Variants in SULT2B1 observed in about 807,000 individuals in gnomAD.
The protein encoded by SULT2B1 is sulfotransferase family 2B member 1.
In SULT2B1, 16 loss-of-function variants were observed where a neutral mutation model predicts 33.2. That is an observed-to-expected ratio of 0.48 (90% CI 0.33 to 0.73). The LOEUF (loss-of-function observed/expected upper bound fraction) is 0.73, where lower values mean the gene tolerates loss of function less well. Ranked by LOEUF, SULT2B1 falls within the 30% of genes least tolerant of loss-of-function variation. The pLI is 0.02. For synonymous variants in SULT2B1, 186 were observed against 200.5 expected, an observed-to-expected ratio of 0.93 and a Z score of 0.61; for missense variants, 500 against 506.0, an observed-to-expected ratio of 0.99 and a Z score of 0.11.
Position 48,599,047 on chromosome 19 carries a change from G to A in SULT2B1, c.827-88G>A. The A allele has an allele frequency of 6.7e-7, 1 of 1,503,356 alleles. No individual in the cohort carries two copies. The highest frequency in any genetic ancestry group is 2.2e-5 in the Admixed American group (1 of 45,932). The allele number at this position is 1,503,356 out of a possible 1,614,324, so 93.1% of individuals were successfully genotyped here. On this transcript the variant is annotated intron_variant, in intron 6 of 6. Coordinates refer to ENST00000201586, the MANE Select transcript of SULT2B1 (RefSeq NM_177973.2). This position sits in a 1 kb window ranked among gnomAD's most constrained non-coding sequence, Gnocchi z 4.1. ...AAGGGAACACCTCGCCAAAGGCCGGGAAGGGGAAGGAGGTTGCTGGAATGT... is the reference window on the plus strand; with the variant it reads ...AAGGGAACACCTCGCCAAAGGCCGGAAAGGGGAAGGAGGTTGCTGGAATGT...
At chr19:48,555,262 T>C (rs937506166) in intron 1 of SULT2B1, among the ~76,000 whole-genome samples, 1 of 151,912 alleles carries the variant, frequency 6.6e-6, no homozygotes, top group African/African-American at 2.4e-5. Flanking sequence ...TGGCTAATTT[T>C]TATATTTTTA....
intron 2 of SULT2B1, among the ~76,000 whole-genome samples, chr19:48,583,689 G>A (rs112635740): frequency 0.024 from 3,582 of 152,206 alleles, 41 homozygotes; most frequent in African/African-American, 0.034. Flanking sequence ...CTGGTGGTGC[G>A]CGCCTGTAGT....
chr19:48,575,948 T>C lies in SULT2B1; in HGVS notation c.79T>C (p.Leu27=), dbSNP rs1448712836. The part of the protein sequence containing the change: ...EDDISEISQK[L]PGEYFRYKGV... ...TCCCCCACCTTTCCACAGCCAGAAG[T>C]TGCCAGGTGAATACTTCCGGTACAA... is the stretch of plus-strand genomic sequence containing the variant. Residue 27 remains leucine, a synonymous_variant, in exon 2 of 7, where the codon TTG becomes CTG. Coordinates refer to ENST00000201586, the MANE Select transcript of SULT2B1 (RefSeq NM_177973.2). 1.9e-6 allele frequency: 3 copies of C among 1,612,126 alleles called. No individual in the cohort carries two copies. Among genetic ancestry groups the C allele is most frequent in the Middle Eastern group, 1.6e-4 (1 of 6,074 alleles).
At chr19:48,562,381 T>C (rs556069852) in intron 1 of SULT2B1, among the ~76,000 whole-genome samples, 25 of 149,920 alleles carry the variant, frequency 1.7e-4, no homozygotes, top group African/African-American at 4.4e-4. Flanking sequence ...AGCGAAACTC[T>C]GTCTCAAAAA....
chr19:48,577,458 T>A lies in SULT2B1; in HGVS notation c.214+1375T>A, dbSNP rs369476983. ...TCGGCTCACTGCAATCTCTGCCTCC[T>A]GGGTTCAAGCGATTCTCCTGCCTCA... On this transcript the variant is annotated intron_variant, in intron 2 of 6. Transcript: ENST00000201586. Among the ~76,000 whole-genome samples the A allele has an allele frequency of 1.7e-4, 25 of 143,754 alleles. No individual in the cohort carries two copies. The South Asian group carries it at 5.8e-3, about 34-fold the overall frequency. The allele number at this position is 143,754 out of a possible 152,430, so 94.3% of individuals were successfully genotyped here. A position where few individuals can be genotyped will look rare whatever the true frequency, so the allele number is the denominator to read the frequency against.
chr19:48,578,701 A>G (rs1973445708), intron 2 of SULT2B1, among the ~76,000 whole-genome samples: 1 of 151,594 alleles, frequency 6.6e-6, no homozygotes, highest in African/African-American at 2.4e-5. Context: ...ACATGGTGAA[A>G]CCCCGTGTCT....
rs3745726 is a variant in SULT2B1 at position 48,591,599 on chromosome 19, C to T, written c.424-10C>T. 71,613 of 1,608,084 alleles carry T rather than the reference C, an allele frequency of 0.045. 3,152 individuals carry two copies. Among genetic ancestry groups the T allele is most frequent in the East Asian group, 0.25 (10,957 of 44,678 alleles). The stretch of plus-strand genomic sequence containing the variant: ...ACGCCTTCTCCCCTCTCCTCACCAT[C>T]CGCACACAGGTGATCTACATGGGCC... On this transcript the variant is annotated splice_polypyrimidine_tract_variant and intron_variant, in intron 3 of 6. Transcript: ENST00000201586.
At chr19:48,579,306 G>A (rs1014320495) in intron 2 of SULT2B1, among the ~76,000 whole-genome samples, 3 of 145,162 alleles carry the variant, frequency 2.1e-5, no homozygotes, top group Non-Finnish European at 3.0e-5. Context: ...TTTTTGAGAC[G>A]GAGTCTCGCT....
chr19:48,564,883 C>A (rs1362350641), intron 1 of SULT2B1, among the ~76,000 whole-genome samples: 3 of 151,920 alleles, frequency 2.0e-5, no homozygotes, highest in East Asian at 1.9e-4. Flanking sequence ...CTCTGCCCCC[C>A]AGGTTCAAGC....
At chr19:48,593,792 G>A (rs916807351) in intron 5 of SULT2B1, among the ~76,000 whole-genome samples, 8 of 149,094 alleles carry the variant, frequency 5.4e-5, no homozygotes, top group East Asian at 2.2e-4. Flanking sequence ...GCGCCACCAC[G>A]CCCGGCTAAT....
At chr19:48,574,676 C>G (rs945672223) in intron 1 of SULT2B1, among the ~76,000 whole-genome samples, 1 of 152,302 alleles carries the variant, frequency 6.6e-6, no homozygotes, top group East Asian at 1.9e-4. Flanking sequence ...AGAGATTGCT[C>G]TTATCCTCAC....
Position 48,587,416 on chromosome 19 carries a change from C to T in SULT2B1, c.402C>T (p.Ala134=). The T allele has an allele frequency of 6.2e-7, 1 of 1,614,138 alleles. No individual in the cohort carries two copies. Among genetic ancestry groups the T allele is most frequent in the Non-Finnish European group, 8.5e-7 (1 of 1,180,028 alleles). ...TTCCCATCCAGATCTTCACCAAGGCCTTCTTCAGCTCCAAGGCCAAGGTTG... is the reference window on the plus strand; with the variant it reads ...TTCCCATCCAGATCTTCACCAAGGCTTTCTTCAGCTCCAAGGCCAAGGTTG... ...SHLPIQIFTK[A]FFSSKAKVIY... Residue 134 remains alanine, a synonymous_variant, in exon 3 of 7, where the codon GCC becomes GCT. Coordinates refer to ENST00000201586, the MANE Select transcript of SULT2B1 (RefSeq NM_177973.2).
intron 5 of SULT2B1, among the ~76,000 whole-genome samples, chr19:48,593,053 G>C (rs892365794): frequency 1.2e-4 from 18 of 152,164 alleles, no homozygotes; most frequent in African/African-American, 4.3e-4. Flanking sequence ...AAGGCGAGTG[G>C]GAAGGAAGAT....
At chr19:48,557,333 A>T (rs947240265) in intron 1 of SULT2B1, among the ~76,000 whole-genome samples, 11 of 151,738 alleles carry the variant, frequency 7.2e-5, no homozygotes, top group Non-Finnish European at 4.4e-5. Flanking sequence ...TGAGGTCAGG[A>T]GTTCAAGACC....
intron 2 of SULT2B1, among the ~76,000 whole-genome samples, chr19:48,578,344 G>A (rs1353785758): frequency 6.6e-6 from 1 of 152,140 alleles, no homozygotes; most frequent in Non-Finnish European, 1.5e-5. Context: ...CATTTTGGGA[G>A]GCCGAGGCAG....
chr19:48,579,605 C>CTTTTTTTTTTTTTT (rs149157128), intron 2 of SULT2B1, among the ~76,000 whole-genome samples: 1 of 79,736 alleles, frequency 1.3e-5, no homozygotes, highest in African/African-American at 5.0e-5. Context: ...TTCTTTCTTT[C>CTTTTTTTTTTTTTT]TTTTTTTTTT....
chr19:48,590,433 C>T (rs1973629534), intron 3 of SULT2B1, among the ~76,000 whole-genome samples: 1 of 152,036 alleles, frequency 6.6e-6, no homozygotes, highest in Admixed American at 6.5e-5. Flanking sequence ...GAAAACCCGT[C>T]TCTACTAAAA....
chr19:48,574,592 T>C (rs926369737), intron 1 of SULT2B1, among the ~76,000 whole-genome samples: 1 of 152,228 alleles, frequency 6.6e-6, no homozygotes, highest in African/African-American at 2.4e-5. Flanking sequence ...CGTTTCCTGA[T>C]AAATGTATCA....
At chr19:48,578,134 G>C (rs1333022142) in intron 2 of SULT2B1, among the ~76,000 whole-genome samples, 1 of 151,952 alleles carries the variant, frequency 6.6e-6, no homozygotes, top group East Asian at 1.9e-4. Context: ...GATCACTTTA[G>C]CTAGAGAGGT....
Sources: allele counts gnomAD v4.1 joint callset (sites outside exome capture counted in the v4.1 genomes callset), GRCh38; gene constraint gnomAD v4.1.1; non-coding constraint Gnocchi (gnomAD v3.1); transcripts MANE v1.5; gene names NCBI Gene and HGNC (gene_info 2026-07-23, HGNC 2026-07-21).